Variants in KLRG1 observed in about 807,000 individuals in gnomAD.
KLRG1 encodes the protein killer cell lectin-like receptor subfamily G member 1.
KLRG1 carries 16 observed loss-of-function variants against 21.8 expected under a neutral mutation model. That is an observed-to-expected ratio of 0.73 (90% CI 0.50 to 1.11). KLRG1 has a LOEUF of 1.11. KLRG1 is among the 50% of genes most tolerant of loss of function. The pLI, the probability that KLRG1 is intolerant of heterozygous loss-of-function variation, is 0.00. For missense variants in KLRG1, 173 were observed against 218.3 expected, an observed-to-expected ratio of 0.79 and a Z score of 1.31; for synonymous variants, 69 against 75.9, an observed-to-expected ratio of 0.91 and a Z score of 0.47.
intron 3 of KLRG1, among the ~76,000 whole-genome samples, chr12:9,005,119 C>G (rs750587475): frequency 3.3e-5 from 5 of 151,902 alleles, no homozygotes; most frequent in Non-Finnish European, 5.9e-5. Flanking sequence ...AAACCAAACA[C>G]CGCATGTTCT....
At chr12:9,106,392 T>G in the KLRG1 span, 1 of 1,473,996 alleles carries the variant, frequency 6.8e-7, no homozygotes, top group Non-Finnish European at 9.4e-7. Context: ...GAATGATGTC[T>G]CTAAAATTCT....
chr12:9,211,390 C>T, the KLRG1 span, among the ~76,000 whole-genome samples: 1 of 152,114 alleles, frequency 6.6e-6, no homozygotes, highest in East Asian at 1.9e-4. Flanking sequence ...GCTGTTGAAG[C>T]TCTCCATTAA....
At chr12:9,194,072 C>T in the KLRG1 span, 1 of 1,611,188 alleles carries the variant, frequency 6.2e-7, no homozygotes, top group Non-Finnish European at 8.5e-7. Context: ...TCTTTCTATA[C>T]TTACCCGGAC....
the KLRG1 span, among the ~76,000 whole-genome samples, chr12:9,039,880 T>C: frequency 1.5e-3 from 229 of 152,348 alleles, 1 homozygote; most frequent in African/African-American, 5.1e-3. Context: ...GATAGATTAT[T>C]TGATTAGCAA....
chr12:9,091,520 G>T, the KLRG1 span: 1 of 1,347,864 alleles, frequency 7.4e-7, no homozygotes, highest in South Asian at 1.4e-5. Flanking sequence ...CTACTGCCAT[G>T]ACTTAAAAAC....
the KLRG1 span, among the ~76,000 whole-genome samples, chr12:9,133,465 A>G: frequency 6.6e-6 from 1 of 152,252 alleles, no homozygotes; most frequent in South Asian, 2.1e-4. Flanking sequence ...AAGAATACAG[A>G]TCAAAGTATA....
chr12:9,209,487 A>G, the KLRG1 span, among the ~76,000 whole-genome samples: 2 of 152,100 alleles, frequency 1.3e-5, no homozygotes, highest in Non-Finnish European at 1.5e-5. Flanking sequence ...CGTACCTTAC[A>G]TGCACCCAAC....
At chr12:9,125,759 G>A in the KLRG1 span, among the ~76,000 whole-genome samples, 5 of 152,148 alleles carry the variant, frequency 3.3e-5, no homozygotes, top group Admixed American at 1.3e-4. Context: ...TTTTGAGATG[G>A]AATCTTGCTC....
exon 1 of KLRG1, chr12:8,950,158 G>A (rs1946171547): frequency 6.6e-6 from 1 of 152,244 alleles, no homozygotes. Flanking sequence ...ACCCCTAGAC[G>A]AGAGTAGTGC....
At chr12:9,187,414 C>G in the KLRG1 span, among the ~76,000 whole-genome samples, 1 of 152,164 alleles carries the variant, frequency 6.6e-6, no homozygotes, top group African/African-American at 2.4e-5. Context: ...TACTCTAAAA[C>G]CGATCACACA....
chr12:8,960,606 G>T (rs968596360), intron 1 of KLRG1, among the ~76,000 whole-genome samples: 45 of 152,280 alleles, frequency 3.0e-4, no homozygotes, highest in African/African-American at 1.0e-3. Context: ...TGGATCCATG[G>T]ATTGTTCACA....
the KLRG1 span, among the ~76,000 whole-genome samples, chr12:9,125,619 C>T: frequency 1.3e-5 from 2 of 152,160 alleles, no homozygotes; most frequent in East Asian, 3.8e-4. Context: ...TGCAGAATGG[C>T]TTCAATGGCA....
chr12:9,065,151 T>TCCCCCCCCCCCCCCCCCCC, the KLRG1 span: 11 of 52,658 alleles, frequency 2.1e-4, no homozygotes, highest in Admixed American at 5.2e-4. Context: ...ATTCCCTTCC[T>TCCCCCCCCCCCCCCCCCCC]CCCCCCCCCC....
chr12:9,166,091 T>G, the KLRG1 span: 1 of 1,611,290 alleles, frequency 6.2e-7, no homozygotes, highest in Non-Finnish European at 8.5e-7. Context: ...CTCAGGAAAA[T>G]AGCTTCGCAC....
intron 1 of KLRG1, among the ~76,000 whole-genome samples, chr12:8,961,539 A>C (rs1430477738): frequency 6.6e-6 from 1 of 151,624 alleles, no homozygotes; most frequent in African/African-American, 2.4e-5. Flanking sequence ...CAGCCTCCTG[A>C]GTAGCTGGGG....
At chr12:9,147,119 G>A in the KLRG1 span, among the ~76,000 whole-genome samples, 1 of 152,174 alleles carries the variant, frequency 6.6e-6, no homozygotes, top group African/African-American at 2.4e-5. Context: ...AGAAAAGTTA[G>A]GGCATTAGAC....
downstream of KLRG1, among the ~76,000 whole-genome samples, chr12:9,013,692 CT>C (rs1947662095): frequency 6.6e-6 from 1 of 152,074 alleles, no homozygotes; most frequent in South Asian, 2.1e-4. Context: ...TCTCATGAGA[CT>C]TATTCACTAT....
In KLRG1 at chr12:8,992,179, G is replaced by A. The variant is rs754241802; in HGVS notation, c.83-27G>A. The A allele has an allele frequency of 1.5e-5, 24 of 1,568,134 alleles. No homozygotes were observed. The East Asian group carries it at 5.2e-4, about 34-fold the overall frequency. On this transcript the variant is annotated intron_variant, in intron 1 of 4. Coordinates refer to ENST00000356986, the MANE Select transcript of KLRG1 (RefSeq NM_005810.4). The stretch of plus-strand genomic sequence containing the variant: ...TCTTTCAACCTGTCATCTGACTCAG[G>A]ATTGTGCTTTGACTCTGTTGTTGCA...
the KLRG1 span, chr12:9,192,156 TA>T: frequency 6.4e-7 from 1 of 1,564,216 alleles, no homozygotes; most frequent in Non-Finnish European, 8.8e-7. Context: ...AAGGATGTGT[TA>T]GGGGAGCAAG....
Sources: allele counts gnomAD v4.1 joint callset (sites outside exome capture counted in the v4.1 genomes callset), GRCh38; gene constraint gnomAD v4.1.1; transcripts MANE v1.5; gene names NCBI Gene and HGNC (gene_info 2026-07-23, HGNC 2026-07-21).